Variants in PDE11A observed in about 807,000 individuals in gnomAD.
PDE11A encodes the protein dual 3',5'-cyclic-AMP and -GMP phosphodiesterase 11A.
Under a neutral mutation model 100.5 loss-of-function variants are expected in PDE11A, and 100 were observed. The observed-to-expected ratio is 1.00, with a 90% CI of 0.85 to 1.18. PDE11A has a LOEUF of 1.18. PDE11A is among the 50% of genes most tolerant of loss of function. PDE11A has a pLI of 0.00. For missense variants in PDE11A, 1,141 were observed against 1,152.6 expected (o/e 0.99, Z 0.15); for synonymous variants, 381 against 420.8 (o/e 0.91, Z 1.16).
intron 10 of PDE11A, among the ~76,000 whole-genome samples, chr2:177,744,340 C>T (rs77024873): frequency 1.2e-4 from 17 of 146,604 alleles, no homozygotes; most frequent in Non-Finnish European, 2.2e-4. Flanking sequence ...TTGTTTCATG[C>T]TTTTTTTTTT....
chr2:177,998,710 C>G, intron 2 of PDE11A: 1 of 1,056,688 alleles, frequency 9.5e-7, no homozygotes. Flanking sequence ...TGCTGGCCCA[C>G]TCGCTCCGTG....
At chr2:177,936,876 C>T (rs768559426) in intron 2 of PDE11A, among the ~76,000 whole-genome samples, 5 of 151,792 alleles carry the variant, frequency 3.3e-5, no homozygotes, top group Non-Finnish European at 7.4e-5. Context: ...GAGTTGAAAT[C>T]GCACTATTGC....
intron 2 of PDE11A, 44 bp downstream of exon 2, chr2:178,014,258 G>A (rs1030314794): frequency 6.9e-7 from 1 of 1,454,962 alleles, no homozygotes; most frequent in African/African-American, 1.4e-5. Flanking sequence ...AGCAATCAAT[G>A]ACCAAGAAGA....
rs528673367 is a variant in PDE11A, at chr2:177,763,135, G to T, written c.1788+6188C>A. Among the ~76,000 whole-genome samples the T allele has an allele frequency of 2.0e-5, 3 of 152,248 alleles. No homozygotes were observed. The East Asian group carries it at 5.8e-4, about 29-fold the overall frequency. On this transcript the variant is annotated intron_variant, in intron 10 of 19. Coordinates refer to ENST00000286063, the MANE Select transcript of PDE11A (RefSeq NM_016953.4). ...CTGAGCAGTGCAAGCCGCCCGGCTC[G>T]GCTGCTGCTTGTGAGCAGGAGATGC...
chr2:178,104,252 A>C, intron 2 of PDE11A: 1 of 1,539,686 alleles, frequency 6.5e-7, no homozygotes, highest in Non-Finnish European at 9.0e-7. Context: ...CATATGCTTT[A>C]TTCTTTCCTA....
At position 177,777,115 on chromosome 2, in the gene PDE11A, T is replaced by C. The variant is rs969570606; in HGVS notation, c.1738-7742A>G. 3.3e-5 allele frequency among the ~76,000 whole-genome samples: 5 copies of C among 152,280 alleles called. No homozygotes were observed. The Middle Eastern group carries it at 0.01, about 311-fold the overall frequency. On this transcript the variant is annotated intron_variant, in intron 9 of 19. Coordinates refer to ENST00000286063, the MANE Select transcript of PDE11A (RefSeq NM_016953.4). Reference sequence around the variant, plus strand: ...CTGAACTGTGAGTCAATTAAACCTCTTTCCTTTATAAATTACCCAGTCTTG... The same window carrying C: ...CTGAACTGTGAGTCAATTAAACCTCCTTCCTTTATAAATTACCCAGTCTTG...
intron 5 of PDE11A, among the ~76,000 whole-genome samples, chr2:177,842,423 C>T (rs551619592): frequency 2.6e-5 from 4 of 152,178 alleles, no homozygotes; most frequent in South Asian, 2.1e-4. Context: ...CAGCAGAGTA[C>T]GAAGTGTGTT....
intron 2 of PDE11A, among the ~76,000 whole-genome samples, chr2:177,967,208 T>C (rs2085709878): frequency 6.7e-6 from 1 of 149,176 alleles, no homozygotes; most frequent in Admixed American, 6.7e-5. Context: ...GTCTTTTTTT[T>C]TTTTTTTTTT....
At chr2:177,743,829 G>C (rs1285089949) in intron 10 of PDE11A, among the ~76,000 whole-genome samples, 1 of 152,172 alleles carries the variant, frequency 6.6e-6, no homozygotes, top group Non-Finnish European at 1.5e-5. Flanking sequence ...ATCAGGAAGG[G>C]GTGATTGAAT....
chr2:177,858,178 T>G (rs892597949), intron 5 of PDE11A, among the ~76,000 whole-genome samples: 26 of 151,068 alleles, frequency 1.7e-4, no homozygotes, highest in East Asian at 7.9e-4. Flanking sequence ...ATTCAGGACA[T>G]AGGCATGGGC....
intron 10 of PDE11A, among the ~76,000 whole-genome samples, chr2:177,730,422 T>A (rs1173097487): frequency 6.6e-6 from 1 of 152,206 alleles, no homozygotes; most frequent in Non-Finnish European, 1.5e-5. Flanking sequence ...TTCCTCTCTT[T>A]GTTTTTCTGA....
At chr2:177,767,201 G>A (rs901555954) in intron 10 of PDE11A, among the ~76,000 whole-genome samples, 26 of 152,056 alleles carry the variant, frequency 1.7e-4, no homozygotes, top group African/African-American at 4.1e-4. Context: ...ATGGTGATGC[G>A]CGCCTGTAAT....
intron 2 of PDE11A, among the ~76,000 whole-genome samples, chr2:177,943,213 A>G (rs949977251): frequency 2.6e-5 from 4 of 152,188 alleles, no homozygotes. Flanking sequence ...AAGACCCTGC[A>G]TTTAATTCTT....
At chr2:177,730,224 C>T (rs1327006254) in intron 10 of PDE11A, among the ~76,000 whole-genome samples, 1 of 152,170 alleles carries the variant, frequency 6.6e-6, no homozygotes, top group African/African-American at 2.4e-5. Context: ...TATCCTTCCT[C>T]CCTCCCCACA....
intron 2 of PDE11A, among the ~76,000 whole-genome samples, chr2:177,973,060 A>G (rs1211072512): frequency 2.0e-5 from 3 of 152,224 alleles, no homozygotes; most frequent in Non-Finnish European, 4.4e-5. Context: ...AGAATACTCA[A>G]GAAAATGGCT....
intron 9 of PDE11A, among the ~76,000 whole-genome samples, chr2:177,799,086 C>T (rs770374329): frequency 7.2e-5 from 11 of 152,082 alleles, no homozygotes; most frequent in Non-Finnish European, 1.3e-4. Flanking sequence ...TTGGTGTAAT[C>T]GTGAGGAAAA....
intron 5 of PDE11A, among the ~76,000 whole-genome samples, chr2:177,870,588 T>C (rs186313044): frequency 6.6e-6 from 1 of 152,330 alleles, no homozygotes; most frequent in South Asian, 2.1e-4. Context: ...CCAGGCATTG[T>C]GCTCTTTCAG....
At chr2:177,851,819 G>T (rs959405903) in intron 5 of PDE11A, among the ~76,000 whole-genome samples, 1 of 152,020 alleles carries the variant, frequency 6.6e-6, no homozygotes, top group Admixed American at 6.6e-5. Flanking sequence ...CGTCATGGGG[G>T]TTTGTTGTAT....
chr2:177,828,448 A>C (rs1295327786), intron 6 of PDE11A, among the ~76,000 whole-genome samples: 1 of 152,214 alleles, frequency 6.6e-6, no homozygotes, highest in East Asian at 1.9e-4. Context: ...CATAGAGCTT[A>C]CATTTTAGTG....
Sources: allele counts gnomAD v4.1 joint callset (sites outside exome capture counted in the v4.1 genomes callset), GRCh38; gene constraint gnomAD v4.1.1; transcripts MANE v1.5; gene names NCBI Gene and HGNC (gene_info 2026-07-23, HGNC 2026-07-21).